The following EPHA6 variants were observed in gnomAD, a reference collection of about 807,000 sequenced individuals.
EPHA6 encodes EPH receptor A6.
EPHA6 carries 50 observed loss-of-function variants against 112.0 expected under a neutral mutation model. The ratio of observed to expected loss-of-function variants is 0.45; its 90% CI spans 0.36 to 0.56. The LOEUF (loss-of-function observed/expected upper bound fraction) is 0.56. Ranked by LOEUF, EPHA6 falls within the 20% of genes least tolerant of loss-of-function variation. The pLI is 0.00. For missense variants in EPHA6, 1,280 were observed against 1,417.4 expected (o/e 0.90, Z 1.56); for synonymous variants, 529 against 490.7 (o/e 1.08, Z -1.03).
chr3:96,933,121 G>A (rs2107661970), intron 2 of EPHA6, among the ~76,000 whole-genome samples: 1 of 152,120 alleles, frequency 6.6e-6, no homozygotes, highest in South Asian at 2.1e-4. Flanking sequence ...TTAAGCAGGA[G>A]GATTCCTCAA....
chr3:97,241,052 T>C (rs2078831477), intron 4 of EPHA6, among the ~76,000 whole-genome samples: 1 of 151,748 alleles, frequency 6.6e-6, no homozygotes, highest in African/African-American at 2.4e-5. Flanking sequence ...CAGATGTTTT[T>C]CTGGTAAGGG....
At chr3:97,666,487 G>A (rs1475902360) in intron 14 of EPHA6, among the ~76,000 whole-genome samples, 1 of 152,144 alleles carries the variant, frequency 6.6e-6, no homozygotes, top group Non-Finnish European at 1.5e-5. Flanking sequence ...GTTTCTGGTG[G>A]TTTGTTGGCA....
chr3:97,511,410 C>A (rs561737012), intron 10 of EPHA6, among the ~76,000 whole-genome samples: 228 of 152,274 alleles, frequency 1.5e-3, no homozygotes, highest in African/African-American at 5.2e-3. Flanking sequence ...CACAGTCCTT[C>A]ACAGCTTCTC....
intron 5 of EPHA6, among the ~76,000 whole-genome samples, chr3:97,263,976 C>G (rs2079586563): frequency 6.6e-6 from 1 of 152,080 alleles, no homozygotes; most frequent in African/African-American, 2.4e-5. Context: ...ATAAAGATGC[C>G]AGATCTCTTT....
intron 6 of EPHA6, among the ~76,000 whole-genome samples, chr3:97,429,402 T>C (rs2089360688): frequency 6.6e-6 from 1 of 152,268 alleles, no homozygotes; most frequent in South Asian, 2.1e-4. Context: ...CCAAATAATC[T>C]TACCATTCCT....
chr3:97,311,386 CTT>C lies in EPHA6; in HGVS notation c.1606+67100_1606+67101del, dbSNP rs566597639. Among the ~76,000 whole-genome samples, 83 of 151,390 alleles carry C rather than the reference CTT, an allele frequency of 5.5e-4. 1 individual carries two copies. Among genetic ancestry groups the C allele is most frequent in the Middle Eastern group, 6.8e-3 (2 of 294 alleles). On this transcript the variant is annotated intron_variant, in intron 5 of 17. Coordinates refer to ENST00000389672, the MANE Select transcript of EPHA6 (RefSeq NM_001080448.3). ...CTGGCTGCCCTAATCTCTCTAAAGA[CTT>C]GACCATACACAGCCTCTTGCACTCT...
intron 5 of EPHA6, among the ~76,000 whole-genome samples, chr3:97,324,417 C>CTTTCTTTCTT (rs2082279391): frequency 5.5e-5 from 7 of 126,978 alleles, no homozygotes; most frequent in African/African-American, 1.7e-4. Flanking sequence ...TTCTTTCTTT[C>CTTTCTTTCTT]TTTCTTTCTT....
At chr3:97,315,991 G>GT (rs2081813603) in intron 5 of EPHA6, among the ~76,000 whole-genome samples, 1 of 151,726 alleles carries the variant, frequency 6.6e-6, no homozygotes, top group Non-Finnish European at 1.5e-5. Flanking sequence ...CTGTGTCTAC[G>GT]TAAAAAGGCT....
At chr3:97,237,385 G>A (rs1008424471) in intron 4 of EPHA6, among the ~76,000 whole-genome samples, 27 of 151,976 alleles carry the variant, frequency 1.8e-4, no homozygotes, top group African/African-American at 6.5e-4. Context: ...GTTTGATGGA[G>A]TTGCCTAAAC....
intron 14 of EPHA6, among the ~76,000 whole-genome samples, chr3:97,680,943 A>G (rs1193356165): frequency 6.6e-6 from 1 of 152,202 alleles, no homozygotes; most frequent in Non-Finnish European, 1.5e-5. Context: ...TAACTGCTCT[A>G]TCACACACAA....
intron 11 of EPHA6, among the ~76,000 whole-genome samples, chr3:97,566,015 T>C (rs1262719952): frequency 4.0e-5 from 5 of 125,286 alleles, no homozygotes; most frequent in African/African-American, 1.1e-4. Context: ...CGAGACACCG[T>C]CTCAAAAAAA....
intron 13 of EPHA6, chr3:97,612,617 T>A (rs1273356622): frequency 9.6e-6 from 2 of 208,086 alleles, no homozygotes; most frequent in East Asian, 1.1e-4. Context: ...AGAAGTAGTG[T>A]ATTTTATGCT....
At chr3:96,839,184 T>C (rs1319403467) in intron 1 of EPHA6, among the ~76,000 whole-genome samples, 2 of 152,100 alleles carry the variant, frequency 1.3e-5, no homozygotes, top group Non-Finnish European at 2.9e-5. Flanking sequence ...TGCAGACTGG[T>C]ACTAGTTCAT....
At chr3:97,222,172 G>A (rs542427357) in intron 3 of EPHA6, among the ~76,000 whole-genome samples, 2 of 152,150 alleles carry the variant, frequency 1.3e-5, no homozygotes, top group Admixed American at 6.5e-5. Context: ...GATAACACTC[G>A]ACACAATAGT....
Position 97,043,766 on chromosome 3 carries a change from T to C in EPHA6, c.1114+55773T>C, listed in dbSNP as rs562896482. On this transcript the variant is annotated intron_variant, in intron 3 of 17. Coordinates refer to ENST00000389672, the MANE Select transcript of EPHA6 (RefSeq NM_001080448.3). ...ATATTTATTTTAAGATCTATAGAGA[T>C]GTTTCCCAGTCTTTTGAATATATTG... is the stretch of plus-strand genomic sequence containing the variant. Among the ~76,000 whole-genome samples, 22 of 152,292 alleles carry C rather than the reference T, an allele frequency of 1.4e-4. No individual in the cohort carries two copies. The South Asian group carries it at 4.6e-3, about 32-fold the overall frequency.
At chr3:97,364,542 TG>T (rs1395941780) in intron 5 of EPHA6, among the ~76,000 whole-genome samples, 1 of 151,984 alleles carries the variant, frequency 6.6e-6, no homozygotes, top group East Asian at 1.9e-4. Flanking sequence ...CTAATCTTCA[TG>T]ATTAGAGTCA....
rs1438621012 is a variant in EPHA6 at position 97,732,838 on chromosome 3, T to C, written c.2935-3087T>C. Among the ~76,000 whole-genome samples the C allele has an allele frequency of 2.0e-5, 3 of 152,066 alleles. No homozygotes were observed. In the East Asian group the frequency reaches 5.8e-4, roughly 29 times the overall value. On this transcript the variant is annotated intron_variant, in intron 15 of 17. Transcript: ENST00000389672. ...TAATCTGTTTTTATCACTGTCACTC[T>C]TGCTGTTATTGCTACTCTTTTCCTG...
At chr3:96,972,850 T>G (rs1288709195) in intron 2 of EPHA6, among the ~76,000 whole-genome samples, 3 of 152,242 alleles carry the variant, frequency 2.0e-5, no homozygotes, top group African/African-American at 7.2e-5. Context: ...AAATTGATTT[T>G]GGAAATAAAA....
intron 5 of EPHA6, among the ~76,000 whole-genome samples, chr3:97,299,022 T>A (rs1390558587): frequency 2.0e-5 from 3 of 152,232 alleles, no homozygotes; most frequent in African/African-American, 4.8e-5. Flanking sequence ...ATTTATTTAA[T>A]ATGCATTTTT....
Sources: gnomAD v4.1 joint callset for allele counts (sites outside exome capture counted in the v4.1 genomes callset) on GRCh38, gnomAD v4.1.1 for gene constraint, MANE v1.5 for transcripts, NCBI Gene and HGNC (gene_info 2026-07-23, HGNC 2026-07-21) for gene names.